The following ABCB1 variants were observed in gnomAD, a reference collection of about 807,000 sequenced individuals.
ABCB1 encodes ATP binding cassette subfamily B member 1.
In ABCB1, 69 loss-of-function variants were observed where a neutral mutation model predicts 142.0. That is an observed-to-expected ratio of 0.49 (90% confidence interval 0.40 to 0.59). The LOEUF is 0.59. ABCB1 is among the 20% of genes least tolerant of loss of function. The pLI is 0.00. For synonymous variants in ABCB1, 532 were observed against 539.2 expected (o/e 0.99, Z 0.18); for missense variants, 1,326 against 1,554.7 (o/e 0.85, Z 2.47).
chr7:87,623,171 G>A (rs1040650557), intron 1 of ABCB1, among the ~76,000 whole-genome samples: 3 of 152,150 alleles, frequency 2.0e-5, no homozygotes, highest in Admixed American at 2.0e-4. Flanking sequence ...TTCCTTGTTT[G>A]TAAATGGGAG....
intron 1 of ABCB1, among the ~76,000 whole-genome samples, chr7:87,711,340 A>G (rs1320212350): frequency 6.6e-6 from 1 of 151,780 alleles, no homozygotes; most frequent in Non-Finnish European, 1.5e-5. Flanking sequence ...AAATATATAT[A>G]TATAAAATTA....
At chr7:87,709,600 T>A in intron 1 of ABCB1, 1 of 750,874 alleles carries the variant, frequency 1.3e-6, no homozygotes, top group Non-Finnish European at 1.6e-6. Flanking sequence ...TTTTAACTAC[T>A]GCCTATATTG....
intron 21 of ABCB1, among the ~76,000 whole-genome samples, chr7:87,523,878 G>C (rs1417947775): frequency 6.6e-6 from 1 of 152,088 alleles, no homozygotes; most frequent in African/African-American, 2.4e-5. Flanking sequence ...CCCTTTTAAT[G>C]CTATGATTTT....
chr7:87,548,965 T>G (rs762530155), intron 14 of ABCB1, among the ~76,000 whole-genome samples: 9 of 152,194 alleles, frequency 5.9e-5, no homozygotes, highest in Non-Finnish European at 8.8e-5. Flanking sequence ...GTTGTATTTT[T>G]CTCTTCTTGG....
chr7:87,711,041 C>A (rs1274685278), intron 1 of ABCB1, among the ~76,000 whole-genome samples: 2 of 151,844 alleles, frequency 1.3e-5, no homozygotes, highest in African/African-American at 4.8e-5. Flanking sequence ...AAAGAATATA[C>A]ATTGGCCGGG....
chr7:87,635,892 G>A (rs1821717245), intron 1 of ABCB1, among the ~76,000 whole-genome samples: 2 of 152,134 alleles, frequency 1.3e-5, no homozygotes, highest in Non-Finnish European at 2.9e-5. Context: ...CATTATGTTT[G>A]TGAGGTTCAT....
At chr7:87,508,925 G>A (rs1814874151) in intron 26 of ABCB1, among the ~76,000 whole-genome samples, 1 of 152,182 alleles carries the variant, frequency 6.6e-6, no homozygotes, top group Non-Finnish European at 1.5e-5. Context: ...TAAAGTGAAA[G>A]GCTTTCCAGA....
chr7:87,549,433 C>T lies in ABCB1; in HGVS notation c.1640G>A (p.Arg547His), dbSNP rs763454753. The T allele has an allele frequency of 1.7e-5, 28 of 1,614,044 alleles. No individual in the cohort carries two copies. The highest frequency in any genetic ancestry group is 3.3e-4 in the Middle Eastern group (2 of 6,084). Residue 547 changes from arginine (R) to histidine (H), a missense_variant, in exon 14 of 28, where the codon CGC (arginine) becomes CAC (histidine). Coordinates refer to ENST00000622132, the MANE Select transcript of ABCB1 (RefSeq NM_001348946.2). Reference protein sequence around the residue: ...QRIAIARALVRNPKILLLDEA... With the variant: ...QRIAIARALVHNPKILLLDEA... ...ATCCAGCAGGAGGATCTTGGGGTTG[C>T]GAACCAGGGCACGTGCAATGGCGAT...
chr7:87,509,549 T>C lies in ABCB1; in HGVS notation c.3283-68A>G, dbSNP rs28401807. ...TTTGAATGTAGCACAATTAACATCA[T>C]TATTTCTTACACTGAAACTGCCAAG... On this transcript the variant is annotated intron_variant, in intron 25 of 27. Coordinates refer to ENST00000622132, the MANE Select transcript of ABCB1 (RefSeq NM_001348946.2). 1,063 of 1,510,852 alleles carry C rather than the reference T, an allele frequency of 7.0e-4. 1 individual carries two copies. Among genetic ancestry groups the C allele is most frequent in the Non-Finnish European group, 8.7e-4 (953 of 1,093,838 alleles). The allele number at this position is 1,510,852 out of a possible 1,614,324, so 93.6% of individuals were successfully genotyped here.
intron 1 of ABCB1, among the ~76,000 whole-genome samples, chr7:87,702,142 CAAAAAAAAAAAAAA>C (rs146127516): frequency 4.8e-4 from 8 of 16,774 alleles, no homozygotes; most frequent in East Asian, 2.6e-3. Context: ...GACTCTGTCT[CAAAAAAAAAAAAAA>C]AAAAAAAAAA....
rs552031866 is a variant in ABCB1 at position 87,610,283 on chromosome 7, G to A, written c.-330-9205C>T. ...GCCAGGGTCTTGCTTGGTCACCCGGGCTGTATTGCAATGGTGCAGTCATTG... is the reference window on the plus strand; with the variant it reads ...GCCAGGGTCTTGCTTGGTCACCCGGACTGTATTGCAATGGTGCAGTCATTG... On this transcript the variant is annotated intron_variant, in intron 1 of 28. Transcript: ENST00000265724. Among the ~76,000 whole-genome samples, 9 of 146,320 alleles carry A rather than the reference G, an allele frequency of 6.2e-5. No homozygotes were observed. In the East Asian group the frequency reaches 1.6e-3, roughly 26 times the overall value.
chr7:87,653,412 C>T (rs1372385177), intron 1 of ABCB1, among the ~76,000 whole-genome samples: 1 of 152,038 alleles, frequency 6.6e-6, no homozygotes, highest in Non-Finnish European at 1.5e-5. Flanking sequence ...TACATAGTAC[C>T]ACTTCAGCTA....
At chr7:87,541,310 A>G (rs1816522919) in intron 18 of ABCB1, 47 bp downstream of exon 18, 1 of 1,214,214 alleles carries the variant, frequency 8.2e-7, no homozygotes, top group African/African-American at 1.5e-5. Flanking sequence ...CCAGTTGAAT[A>G]ATGATGCATT....
chr7:87,632,257 T>C (rs993000425), intron 1 of ABCB1, among the ~76,000 whole-genome samples: 10 of 152,232 alleles, frequency 6.6e-5, no homozygotes, highest in Non-Finnish European at 1.2e-4. Context: ...CAATTCTTTA[T>C]GTTTAAAGCT....
chr7:87,515,560 A>G (rs1815201981), intron 24 of ABCB1, 132 bp from the exon 25 acceptor site: 2 of 558,838 alleles, frequency 3.6e-6, no homozygotes, highest in South Asian at 7.0e-5. Flanking sequence ...TCAAACTGCT[A>G]GAATTTATTT....
At chr7:87,548,306 A>C (rs1816897752) in intron 14 of ABCB1, among the ~76,000 whole-genome samples, 1 of 150,428 alleles carries the variant, frequency 6.6e-6, no homozygotes, top group African/African-American at 2.5e-5. Context: ...AAAGGAAAGG[A>C]AAGAAAGGAA....
intron 21 of ABCB1, chr7:87,521,416 C>T (rs529797631): frequency 4.3e-5 from 28 of 654,054 alleles, no homozygotes; most frequent in South Asian, 3.2e-4. Flanking sequence ...TGCCCGTGGA[C>T]GCCACCAAGG....
At position 87,647,462 on chromosome 7, in the gene ABCB1, G is replaced by A. The variant is rs531134869; in HGVS notation, c.-330-46384C>T. On this transcript the variant is annotated intron_variant, in intron 1 of 28. Coordinates refer to the ABCB1 transcript ENST00000265724. ...ATTGTCTTCTATTAAACACATTAAA[G>A]ATATTTGCAAACATGTAAACATTGC... Among the ~76,000 whole-genome samples the A allele has an allele frequency of 3.3e-5, 5 of 152,164 alleles. No individual in the cohort carries two copies. In the East Asian group the frequency reaches 7.7e-4, roughly 24 times the overall value.
At chr7:87,662,519 C>A (rs1222740431) in intron 1 of ABCB1, among the ~76,000 whole-genome samples, 1 of 152,026 alleles carries the variant, frequency 6.6e-6, no homozygotes, top group East Asian at 1.9e-4. Context: ...TGTCCTTTCC[C>A]CAATATACAT....
Sources: allele counts gnomAD v4.1 joint callset (sites outside exome capture counted in the v4.1 genomes callset), GRCh38; gene constraint gnomAD v4.1.1; transcripts MANE v1.5; gene names NCBI Gene and HGNC (gene_info 2026-07-23, HGNC 2026-07-21).